The following NRXN3 variants were observed in gnomAD, a reference collection of about 807,000 sequenced individuals.
NRXN3 encodes the protein neurexin 3.
NRXN3 carries 32 observed loss-of-function variants against 137.6 expected under a neutral mutation model. The observed-to-expected ratio is 0.23, with a 90% CI of 0.18 to 0.31. NRXN3 has a LOEUF of 0.31. Among genes scored for constraint, NRXN3 ranks in the 10% least tolerant of loss-of-function variants. The pLI is 1.00. For missense variants in NRXN3, 1,574 were observed against 2,062.5 expected, an observed-to-expected ratio of 0.76 and a Z score of 4.59; for synonymous variants, 798 against 784.5, an observed-to-expected ratio of 1.02 and a Z score of -0.29.
intron 6 of NRXN3, among the ~76,000 whole-genome samples, chr14:78,691,783 C>T (rs1008593769): frequency 4.6e-5 from 7 of 152,158 alleles, no homozygotes; most frequent in South Asian, 2.1e-4. Context: ...AGGAGGATGC[C>T]GCTATTCACT....
intron 15 of NRXN3, among the ~76,000 whole-genome samples, chr14:79,191,856 G>C (rs113918128): frequency 6.6e-6 from 1 of 152,008 alleles, no homozygotes; most frequent in Non-Finnish European, 1.5e-5. Context: ...CTGGCGATGA[G>C]TAAGCATGCC....
intron 16 of NRXN3, among the ~76,000 whole-genome samples, chr14:79,515,716 A>G (rs2096976907): frequency 6.6e-6 from 1 of 152,034 alleles, no homozygotes; most frequent in Non-Finnish European, 1.5e-5. Flanking sequence ...ATAATTCTGT[A>G]GTGTGCCAAG....
intron 19 of NRXN3, among the ~76,000 whole-genome samples, chr14:79,798,311 T>C (rs1436904857): frequency 6.6e-6 from 1 of 152,202 alleles, no homozygotes; most frequent in Non-Finnish European, 1.5e-5. Flanking sequence ...TGTATTTAAA[T>C]AGAGAATGAA....
intron 19 of NRXN3, among the ~76,000 whole-genome samples, chr14:79,786,031 A>G (rs34549185): frequency 0.12 from 18,455 of 152,088 alleles, 1,332 homozygotes; most frequent in Middle Eastern, 0.21. Context: ...CTTGGGACAG[A>G]TAAGACTTCC....
At chr14:79,211,609 A>G (rs956687631) in intron 15 of NRXN3, among the ~76,000 whole-genome samples, 1 of 152,152 alleles carries the variant, frequency 6.6e-6, no homozygotes, top group Non-Finnish European at 1.5e-5. Context: ...TGGAGTTCAG[A>G]TGTGAATCCA....
chr14:78,510,412 A>T (rs923446625), intron 4 of NRXN3, among the ~76,000 whole-genome samples: 1 of 152,182 alleles, frequency 6.6e-6, no homozygotes, highest in Non-Finnish European at 1.5e-5. Context: ...CCAGGGAAGC[A>T]GACTAATCCT....
chr14:78,556,586 T>C (rs2096738837), intron 4 of NRXN3, among the ~76,000 whole-genome samples: 1 of 152,198 alleles, frequency 6.6e-6, no homozygotes, highest in African/African-American at 2.4e-5. Flanking sequence ...TTAAGGCAGA[T>C]CAGGCTTATG....
At chr14:79,515,006 T>A (rs1312073845) in intron 16 of NRXN3, among the ~76,000 whole-genome samples, 4 of 150,518 alleles carry the variant, frequency 2.7e-5, no homozygotes, top group Non-Finnish European at 5.9e-5. Context: ...ATTATTTAAC[T>A]CCTTCAGTCT....
intron 20 of NRXN3, among the ~76,000 whole-genome samples, chr14:79,811,576 TTTTTC>T (rs1436769343): frequency 2.7e-4 from 37 of 134,550 alleles, no homozygotes; most frequent in African/African-American, 9.7e-4. Flanking sequence ...TCTTTTTTCT[TTTTTC>T]TTTTTTTTTT....
At chr14:79,064,224 C>T (rs2099677830) in intron 15 of NRXN3, among the ~76,000 whole-genome samples, 1 of 152,036 alleles carries the variant, frequency 6.6e-6, no homozygotes, top group Non-Finnish European at 1.5e-5. Context: ...TGTTTTTCTC[C>T]GATTTCTCCA....
intron 15 of NRXN3, among the ~76,000 whole-genome samples, chr14:79,227,788 TCCTCCCTTCCTCCCTTCCTC>T (rs1568684786): frequency 2.5e-4 from 6 of 24,460 alleles, no homozygotes; most frequent in South Asian, 1.9e-3. Context: ...CTTCCTTCCC[TCCTCCCTTCCTCCCTTCCTC>T]CCTCCCTTCC....
At chr14:79,193,051 G>A (rs557911077) in intron 15 of NRXN3, among the ~76,000 whole-genome samples, 355 of 151,926 alleles carry the variant, frequency 2.3e-3, no homozygotes, top group African/African-American at 8.3e-3. Flanking sequence ...TTACAGGCGT[G>A]AGCCACCACG....
intron 10 of NRXN3, among the ~76,000 whole-genome samples, chr14:78,934,087 A>T (rs892369662): frequency 6.8e-6 from 1 of 146,656 alleles, no homozygotes; most frequent in African/African-American, 2.5e-5. Flanking sequence ...AGCTTACCTT[A>T]GTTGGGTCTT....
chr14:78,192,578 G>A (rs1310188420), intron 1 of NRXN3, among the ~76,000 whole-genome samples: 2 of 152,304 alleles, frequency 1.3e-5, no homozygotes, highest in South Asian at 2.1e-4. Context: ...AGCTGGCAGA[G>A]TCAAGACATA....
At chr14:78,943,621 A>AT (rs1273522171) in intron 10 of NRXN3, among the ~76,000 whole-genome samples, 7 of 27,858 alleles carry the variant, frequency 2.5e-4, no homozygotes, top group South Asian at 1.7e-3. Context: ...AAAAAAAAAA[A>AT]ATATATATAT....
intron 15 of NRXN3, among the ~76,000 whole-genome samples, chr14:79,295,682 C>G (rs2083964755): frequency 1.3e-5 from 2 of 152,110 alleles, no homozygotes; most frequent in African/African-American, 4.8e-5. Context: ...ATATGGGCTC[C>G]CACCTAGCAT....
At chr14:78,266,368 A>C (rs551153903) in intron 2 of NRXN3, among the ~76,000 whole-genome samples, 43 of 151,728 alleles carry the variant, frequency 2.8e-4, no homozygotes, top group African/African-American at 9.9e-4. Context: ...GTGTGATCTC[A>C]CCTCACTGCA....
intron 15 of NRXN3, among the ~76,000 whole-genome samples, chr14:79,253,547 T>C (rs1239566926): frequency 1.3e-5 from 2 of 152,208 alleles, no homozygotes; most frequent in African/African-American, 2.4e-5. Flanking sequence ...TTATTCTTCT[T>C]ATACTACCTG....
At chr14:78,396,411 AT>A (rs1242414077) in intron 4 of NRXN3, among the ~76,000 whole-genome samples, 1 of 152,086 alleles carries the variant, frequency 6.6e-6, no homozygotes, top group East Asian at 1.9e-4. Flanking sequence ...ATTTGTCCAC[AT>A]TTTTGCTTAC....
Sources: allele counts gnomAD v4.1 joint callset (sites outside exome capture counted in the v4.1 genomes callset), GRCh38; gene constraint gnomAD v4.1.1; transcripts MANE v1.5; gene names NCBI Gene and HGNC (gene_info 2026-07-23, HGNC 2026-07-21).